PPA1: variants seen among roughly 807,000 people sequenced by gnomAD.
The protein encoded by PPA1 is inorganic pyrophosphatase 1, also known as inorganic pyrophosphatase.
In PPA1, 23 loss-of-function variants were observed where a neutral mutation model predicts 41.8. The observed-to-expected ratio is 0.55, with a 90% CI of 0.40 to 0.78. The LOEUF (loss-of-function observed/expected upper bound fraction) is 0.78. Among genes scored for constraint, PPA1 ranks in the 30% least tolerant of loss-of-function variants. The pLI, the probability that PPA1 is intolerant of heterozygous loss-of-function variation, is 0.00. For synonymous variants in PPA1, 101 were observed against 116.8 expected, an observed-to-expected ratio of 0.86 and a Z score of 0.87; for missense variants, 320 against 361.6, an observed-to-expected ratio of 0.89 and a Z score of 0.93.
intron 2 of PPA1, among the ~76,000 whole-genome samples, chr10:70,225,143 A>G (rs1197704107): frequency 1.3e-5 from 2 of 152,230 alleles, no homozygotes; most frequent in Non-Finnish European, 2.9e-5. Context: ...GTTTCTCTAG[A>G]TAACTTCAGA....
At chr10:70,233,087 C>A (rs545536451) in intron 1 of PPA1, among the ~76,000 whole-genome samples, 177 bp downstream of exon 1, 1 of 152,276 alleles carries the variant, frequency 6.6e-6, no homozygotes, top group African/African-American at 2.4e-5. Context: ...CCTCGCCGCC[C>A]CGACCGGCGG....
intron 8 of PPA1, among the ~76,000 whole-genome samples, chr10:70,206,799 G>T (rs1020750582): frequency 6.9e-6 from 1 of 144,796 alleles, no homozygotes; most frequent in African/African-American, 2.6e-5. Flanking sequence ...AGCTGAGATC[G>T]CGCCACTGCA....
At chr10:70,220,340 C>T (rs1279470349) in intron 2 of PPA1, among the ~76,000 whole-genome samples, 2 of 143,980 alleles carry the variant, frequency 1.4e-5, no homozygotes, top group African/African-American at 5.2e-5. Flanking sequence ...GAAGCCTCAA[C>T]CACCCTGGCT....
chr10:70,220,113 A>G (rs1379523784), intron 2 of PPA1, among the ~76,000 whole-genome samples: 1 of 151,704 alleles, frequency 6.6e-6, no homozygotes, highest in Non-Finnish European at 1.5e-5. Flanking sequence ...TATTTTTAGT[A>G]GAGATGGAGT....
intron 1 of PPA1, 90 bp downstream of exon 1, chr10:70,233,174 C>T: frequency 2.9e-6 from 4 of 1,397,526 alleles, no homozygotes; most frequent in Non-Finnish European, 3.8e-6. Context: ...AGACCTGGGG[C>T]CGAGCGCGGG....
At position 70,220,585 on chromosome 10, in the gene PPA1, ATATATTATATATAATT is replaced by A. The variant is rs1840131268; in HGVS notation, c.124-1784_124-1769del. Reference sequence around the variant, plus strand: ...AATTATATATATAATATATATAATTATATATTATATATAATTTATATATATATTATATATAATTTAT... The same window carrying A: ...AATTATATATATAATATATATAATTATATATATATATTATATATAATTTAT... On this transcript the variant is annotated intron_variant, in intron 2 of 10. Transcript: ENST00000373232. Among the ~76,000 whole-genome samples, 2 of 41,380 alleles carry A rather than the reference ATATATTATATATAATT, an allele frequency of 4.8e-5. 1 individual carries two copies. The highest frequency in any genetic ancestry group is 1.5e-4 in the African/African-American group (2 of 13,162). 27.1% of individuals were successfully genotyped at this position (41,380 alleles called of 152,430 possible).
chr10:70,209,378 CTT>C, intron 7 of PPA1, 88 bp from the exon 8 acceptor site: 1 of 1,312,158 alleles, frequency 7.6e-7, no homozygotes, highest in Non-Finnish European at 1.0e-6. Flanking sequence ...TACTTTGTCT[CTT>C]CTGAATCATT....
chr10:70,203,279 T>C, intron 10 of PPA1, 93 bp from the exon 11 acceptor site: 1 of 1,100,450 alleles, frequency 9.1e-7, no homozygotes, highest in Admixed American at 2.0e-5. Flanking sequence ...CTTGCTTTAA[T>C]GAATCCTACT....
intron 2 of PPA1, among the ~76,000 whole-genome samples, chr10:70,219,305 T>G (rs181307882): frequency 6.6e-6 from 1 of 152,302 alleles, no homozygotes; most frequent in East Asian, 1.9e-4. Flanking sequence ...AGTTCTTAAA[T>G]AAACGTAACA....
chr10:70,230,199 A>ACGC (rs1323481427), intron 2 of PPA1, 142 bp downstream of exon 2: 1 of 982,058 alleles, frequency 1.0e-6, no homozygotes, highest in Non-Finnish European at 1.5e-6. Flanking sequence ...GTGAGCCACC[A>ACGC]CGCCCAGCCT....
intron 1 of PPA1, 56 bp downstream of exon 1, chr10:70,233,208 G>T (rs1377647015): frequency 4.0e-6 from 6 of 1,511,812 alleles, no homozygotes; most frequent in Non-Finnish European, 4.4e-6. Context: ...GGGAGGCAAG[G>T]CCCGGGAATG....
rs529123960 is a variant in PPA1 at position 70,210,320 on chromosome 10, T to A, written c.512-635A>T. The stretch of plus-strand genomic sequence containing the variant: ...TCAAACTCCTGGGCTCAAGCAATCC[T>A]CCTGCCTTGGCTTCCCAAAGCACTG... On this transcript the variant is annotated intron_variant, in intron 6 of 10. Coordinates refer to ENST00000373232, the MANE Select transcript of PPA1 (RefSeq NM_021129.4). 7.6e-6 allele frequency: 10 copies of A among 1,309,908 alleles called. No individual in the cohort carries two copies. The African/African-American group carries it at 1.5e-4, about 20-fold the overall frequency. The allele number at this position is 1,309,908 out of a possible 1,614,324, so 81.1% of individuals were successfully genotyped here.
intron 4 of PPA1, among the ~76,000 whole-genome samples, chr10:70,215,079 C>T (rs1182542947): frequency 3.3e-5 from 5 of 152,116 alleles, no homozygotes; most frequent in East Asian, 1.9e-4. Flanking sequence ...CCTGTAATCC[C>T]AGCTACTTGG....
At chr10:70,214,656 A>G in intron 4 of PPA1, 70 bp from the exon 5 acceptor site, 1 of 1,240,342 alleles carries the variant, frequency 8.1e-7, no homozygotes, top group Non-Finnish European at 1.2e-6. Context: ...AGAATAACAG[A>G]TAACATCCTA....
chr10:70,214,444 T>C, intron 5 of PPA1, 56 bp downstream of exon 5: 1 of 1,370,226 alleles, frequency 7.3e-7, no homozygotes. Flanking sequence ...AGTATGAAAT[T>C]TGGTATACTT....
intron 10 of PPA1, 81 bp from the exon 11 acceptor site, chr10:70,203,267 T>G (rs896431396): frequency 2.0e-5 from 24 of 1,230,246 alleles, no homozygotes; most frequent in Non-Finnish European, 2.8e-5. Flanking sequence ...AAGACTAATA[T>G]ACTTGCTTTA....
At chr10:70,231,089 A>G (rs570559962) in intron 1 of PPA1, among the ~76,000 whole-genome samples, 1 of 152,338 alleles carries the variant, frequency 6.6e-6, no homozygotes, top group Admixed American at 6.5e-5. Flanking sequence ...GCCATCTTAG[A>G]TTATGACTTT....
chr10:70,230,427 A>G (rs1840278123), intron 1 of PPA1, 28 bp from the exon 2 acceptor site: 1 of 1,573,388 alleles, frequency 6.4e-7, no homozygotes, highest in Non-Finnish European at 8.7e-7. Context: ...AAAAGTTATT[A>G]CTATAATTAA....
chr10:70,223,536 G>C (rs1413979027), intron 2 of PPA1, among the ~76,000 whole-genome samples: 5 of 152,054 alleles, frequency 3.3e-5, no homozygotes, highest in African/African-American at 9.7e-5. Flanking sequence ...TTGTAAGGAG[G>C]GGGTGTTCCA....
Sources: allele counts gnomAD v4.1 joint callset (sites outside exome capture counted in the v4.1 genomes callset), GRCh38; gene constraint gnomAD v4.1.1; transcripts MANE v1.5; gene names NCBI Gene and HGNC (gene_info 2026-07-23, HGNC 2026-07-21).